Variants in PES1 observed in about 807,000 individuals in gnomAD.
The protein encoded by PES1 is pescadillo homolog.
In PES1, 31 loss-of-function variants were observed where a neutral mutation model predicts 77.1. The ratio of observed to expected loss-of-function variants is 0.40; its 90% CI spans 0.30 to 0.54. The LOEUF is 0.54. PES1 is among the 20% of genes least tolerant of loss of function. The pLI is 0.45. For synonymous variants in PES1, 282 were observed against 303.0 expected, an observed-to-expected ratio of 0.93 and a Z score of 0.72; for missense variants, 658 against 771.7, an observed-to-expected ratio of 0.85 and a Z score of 1.75.
chr22:30,599,105 G>T (rs557365788), intron 2 of PES1, among the ~76,000 whole-genome samples: 141 of 151,626 alleles, frequency 9.3e-4, no homozygotes, highest in Middle Eastern at 6.8e-3. Flanking sequence ...TTACTATGTT[G>T]GCCAGGCTGG....
chr22:30,580,107 C>T lies in PES1; in HGVS notation c.1115G>A (p.Arg372His), dbSNP rs1397616989. 5.0e-6 allele frequency: 8 copies of T among 1,613,974 alleles called. No homozygotes were observed. Among genetic ancestry groups the T allele is most frequent in the Admixed American group, 1.7e-5 (1 of 59,982 alleles). The change falls in exon 11 of 15, where the codon CGC becomes CAC. Residue 372 changes from arginine (R) to histidine (H), a missense_variant. Transcript: ENST00000354694. Reference protein sequence around the residue: ...IGATYDVTDSRITHQIVDRPG... With the variant: ...IGATYDVTDSHITHQIVDRPG... ...CCGGTCGACAATCTGATGGGTGATG[C>T]GGGAGTCTGTGACGTCATAGGTGGC... is the stretch of plus-strand genomic sequence containing the variant.
upstream of PES1, chr22:30,592,095 AAAACAAACGTGGATATACAGGCTTT>A: frequency 7.7e-7 from 1 of 1,301,526 alleles, no homozygotes; most frequent in Non-Finnish European, 9.8e-7. Context: ...TTTAAGTGTT[AAAACAAACGTGGATATACAGGCTTT>A]TCTGTAATCA....
chr22:30,579,557 C>T (rs2086950395), intron 12 of PES1, 194 bp downstream of exon 12: 4 of 694,116 alleles, frequency 5.8e-6, no homozygotes, highest in South Asian at 1.9e-5. Flanking sequence ...TTCTTCTGCT[C>T]AGTCATCCTG....
intron 4 of PES1, chr22:30,585,112 C>T (rs774367430): frequency 4.2e-5 from 16 of 385,222 alleles, no homozygotes; most frequent in Non-Finnish European, 5.3e-5. Context: ...AATGGGAAAC[C>T]GAAGCTGCCC....
At chr22:30,581,280 G>A (rs1470185215) in intron 8 of PES1, 54 bp downstream of exon 8, 11 of 1,576,606 alleles carry the variant, frequency 7.0e-6, no homozygotes, top group Middle Eastern at 1.9e-4. Context: ...GAGGTGTTGG[G>A]GACAGAGACC....
In PES1 at chr22:30,579,172, G is replaced by C; in HGVS notation, c.1486C>G (p.Leu496Val). ...AGSEKEEEARLAALEEQRMEG... is the reference protein window; with the variant it reads ...AGSEKEEEARVAALEEQRMEG... The stretch of plus-strand genomic sequence containing the variant: ...ATCCTCTGCTCTTCCAGGGCTGCCA[G>C]CCGGGCCTCTTCCTCCTTTTCTGAA... Residue 496 changes from leucine to valine, a missense_variant, in exon 13 of 15, where the codon CTG becomes GTG. Transcript: ENST00000354694. The C allele has an allele frequency of 1.2e-6, 2 of 1,608,438 alleles. No homozygotes were observed. The highest frequency in any genetic ancestry group is 4.5e-5 in the East Asian group (2 of 44,854).
upstream of PES1, chr22:30,591,988 A>G (rs1232994698): frequency 7.2e-7 from 1 of 1,379,338 alleles, no homozygotes; most frequent in Non-Finnish European, 9.4e-7. Context: ...CCAGGGAAAG[A>G]TGGGGATTTC....
chr22:30,587,051 C>T, intron 4 of PES1: 4 of 500,806 alleles, frequency 8.0e-6, no homozygotes, highest in South Asian at 2.3e-5. Flanking sequence ...TTGGATTGTG[C>T]TTCCGCGGGC....
upstream of PES1, among the ~76,000 whole-genome samples, chr22:30,593,592 G>A (rs1415756362): frequency 2.0e-5 from 3 of 152,268 alleles, no homozygotes; most frequent in East Asian, 5.8e-4. Flanking sequence ...TCGTGAGCAT[G>A]TGGCCTGGGC....
intron 3 of PES1, 96 bp downstream of exon 3, chr22:30,587,925 C>A (rs957690056): frequency 1.2e-5 from 15 of 1,251,366 alleles, no homozygotes; most frequent in Non-Finnish European, 1.7e-5. Flanking sequence ...TATAGGCTTA[C>A]TCAGAGAGGG....
chr22:30,584,176 T>A (rs532071366), intron 6 of PES1, 189 bp downstream of exon 6: 15 of 606,020 alleles, frequency 2.5e-5, no homozygotes, highest in Non-Finnish European at 4.4e-5. Context: ...GGTGCTGCCA[T>A]AGGGCTAGCT....
At chr22:30,590,515 G>A (rs1421453508) in intron 1 of PES1, among the ~76,000 whole-genome samples, 2 of 152,092 alleles carry the variant, frequency 1.3e-5, no homozygotes, top group South Asian at 2.1e-4. Context: ...AAGTCTTGGA[G>A]GTATAAAGAT....
chr22:30,577,165 G>A (rs1353497013), intron 14 of PES1, 36 bp from the exon 15 acceptor site: 6 of 1,559,714 alleles, frequency 3.8e-6, no homozygotes, highest in Non-Finnish European at 5.3e-6. Flanking sequence ...GCTGAGGTAT[G>A]TGTAGAAGGG....
intron 2 of PES1, among the ~76,000 whole-genome samples, chr22:30,601,319 A>T (rs1163454667): frequency 6.8e-6 from 1 of 146,856 alleles, no homozygotes; most frequent in African/African-American, 2.5e-5. Flanking sequence ...ATTTGATCTA[A>T]TTTTTTTTTT....
rs777254513 is a variant in PES1, at chr22:30,578,851, G to A, written c.1669C>T (p.Arg557Ter). The A allele has an allele frequency of 6.2e-7, 1 of 1,612,102 alleles. No individual in the cohort carries two copies. The highest frequency in any genetic ancestry group is 1.3e-5 in the African/African-American group (1 of 74,866). ...CAAGAACTCACCTCTCGGATTTTTC[G>A]CCTCTTGCCAAACATGATCTTCTGG... is the stretch of plus-strand genomic sequence containing the variant. ...LYQKIMFGKR[R>*]KIREANKLAE... Residue 557 changes from arginine to a stop codon, truncating the protein, a stop_gained, in exon 14 of 15, where the codon CGA becomes TGA. Coordinates refer to ENST00000354694, the MANE Select transcript of PES1 (RefSeq NM_014303.4). LOFTEE classifies it high-confidence loss of function.
rs373041538 is a variant in PES1, at chr22:30,589,162, C to T, written c.104+29G>A. 309 of 1,574,032 alleles carry T rather than the reference C, an allele frequency of 2.0e-4. 1 individual carries two copies. Among genetic ancestry groups the T allele is most frequent in the Non-Finnish European group, 2.5e-4 (286 of 1,146,652 alleles). On this transcript the variant is annotated intron_variant, in intron 2 of 14. Coordinates refer to ENST00000354694, the MANE Select transcript of PES1 (RefSeq NM_014303.4). ...AGTTTTCAATGTGCAATTCACTGCCCGGGCTTCCCACGGTCCCTCTATATT... is the reference window on the plus strand; with the variant it reads ...AGTTTTCAATGTGCAATTCACTGCCTGGGCTTCCCACGGTCCCTCTATATT...
At chr22:30,606,678 A>AC (rs1569035886) in intron 1 of PES1, 37 of 54,008 alleles carry the variant, frequency 6.9e-4, no homozygotes, top group African/African-American at 1.4e-3. Flanking sequence ...CAATTGCCCA[A>AC]CTCCCCCCCC....
chr22:30,604,564 A>G (rs2087407487), intron 2 of PES1, among the ~76,000 whole-genome samples: 1 of 151,726 alleles, frequency 6.6e-6, no homozygotes, highest in African/African-American at 2.4e-5. Context: ...ACCCGGGAGG[A>G]GGGTGTAGTG....
At chr22:30,605,501 T>A (rs1176599708) in exon 2 of PES1, 91 of 984,808 alleles carry the variant, frequency 9.2e-5, no homozygotes, top group Non-Finnish European at 1.0e-4. Context: ...CATGGCCACC[T>A]CCTCCAGGCT....
Sources: allele counts gnomAD v4.1 joint callset (sites outside exome capture counted in the v4.1 genomes callset), GRCh38; gene constraint gnomAD v4.1.1; transcripts MANE v1.5; gene names NCBI Gene and HGNC (gene_info 2026-07-23, HGNC 2026-07-21).